DMD: variants seen among roughly 807,000 people sequenced by gnomAD.
The protein encoded by DMD is mutant dystrophin.
A neutral mutation model predicts 330.1 loss-of-function variants in DMD; 63 were observed. The observed-to-expected ratio is 0.19, with a 90% CI of 0.16 to 0.24. The LOEUF is 0.24. Ranked by LOEUF, DMD falls within the 10% of genes least tolerant of loss-of-function variation. The pLI is 1.00. For missense variants in DMD, 3,344 were observed against 2,684.1 expected, an observed-to-expected ratio of 1.25 and a Z score of -5.43; for synonymous variants, 1,223 against 959.8, an observed-to-expected ratio of 1.27 and a Z score of -5.07.
Position 32,805,044 on chromosome X carries a change from G to A in DMD, c.649+4449C>T, listed in dbSNP as rs189759777. ...AAAAGGGTGAAAATTCCAAAACCCA[G>A]AACACCTCTTCTCCTCCAAAGGATC... On this transcript the variant is annotated intron_variant, in intron 7 of 78. Transcript: ENST00000357033. 8.9e-5 allele frequency among the ~76,000 whole-genome samples: 10 copies of A among 111,809 alleles called. No homozygotes were observed. The East Asian group carries it at 1.7e-3, about 19-fold the overall frequency.
chrX:32,534,415 T>A (rs1256157712), intron 17 of DMD, among the ~76,000 whole-genome samples: 1 of 111,112 alleles, frequency 9.0e-6, no homozygotes, highest in Admixed American at 9.6e-5. Context: ...TACAAATGTG[T>A]GCCACCTCCC....
intron 1 of DMD, among the ~76,000 whole-genome samples, chrX:33,248,198 C>T (rs1294288427): frequency 3.6e-5 from 4 of 110,291 alleles, no homozygotes; most frequent in Non-Finnish European, 5.7e-5. Flanking sequence ...CCCGCCACCA[C>T]GCCTGACTAA....
chrX:32,664,506 G>A (rs901251892), intron 9 of DMD, among the ~76,000 whole-genome samples: 1 of 110,582 alleles, frequency 9.0e-6, no homozygotes, highest in East Asian at 2.9e-4. Context: ...CTCTCAAAGT[G>A]CTGGGATTAC....
chrX:32,645,057 T>C lies in DMD; in HGVS notation c.1056A>G (p.Leu352=). The change falls in exon 10 of 79, where the codon TTA becomes TTG. Residue 352 remains leucine, a synonymous_variant. Coordinates refer to ENST00000357033, the MANE Select transcript of DMD (RefSeq NM_004006.3). Reference sequence around the variant, plus strand: ...TGTCCTCAGCAGAAAGAAGCCACGATAATACTTCTTCTAAAGCTGTTTGAT... The same window carrying C: ...TGTCCTCAGCAGAAAGAAGCCACGACAATACTTCTTCTAAAGCTGTTTGAT... The part of the protein sequence containing the change: ...DRYQTALEEV[L]SWLLSAEDTL... 8.3e-7 allele frequency: 1 copy of C among 1,211,640 alleles called. No homozygotes were observed. The highest frequency in any genetic ancestry group is 3.0e-5 in the East Asian group (1 of 33,832).
At chrX:32,523,566 T>C (rs1431352158) in intron 17 of DMD, among the ~76,000 whole-genome samples, 1 of 112,281 alleles carries the variant, frequency 8.9e-6, no homozygotes, top group African/African-American at 3.2e-5. Flanking sequence ...CCCTAGTCTA[T>C]TACTATCAGA....
chrX:31,855,162 T>G (rs974218171), intron 48 of DMD, among the ~76,000 whole-genome samples: 15 of 102,478 alleles, frequency 1.5e-4, no homozygotes, highest in African/African-American at 5.5e-4. Context: ...TGCACTTTTA[T>G]CACGCTATGT....
chrX:31,287,308 C>A (rs2053294149), intron 62 of DMD, among the ~76,000 whole-genome samples: 1 of 111,907 alleles, frequency 8.9e-6, no homozygotes, highest in Admixed American at 9.5e-5. Flanking sequence ...TTTCATTAGA[C>A]CCCAATCTGA....
intron 54 of DMD, among the ~76,000 whole-genome samples, chrX:31,631,971 C>T (rs1403779491): frequency 2.7e-5 from 3 of 111,492 alleles, no homozygotes; most frequent in South Asian, 3.8e-4. Flanking sequence ...CAACCCTATA[C>T]GTGCCAAAGA....
intron 44 of DMD, among the ~76,000 whole-genome samples, chrX:32,189,605 A>G (rs1164166280): frequency 1.0e-5 from 1 of 95,363 alleles, no homozygotes; most frequent in Admixed American, 1.2e-4. Context: ...TCCTTTTACT[A>G]CGCAGCAGGC....
intron 2 of DMD, among the ~76,000 whole-genome samples, chrX:32,858,621 C>A (rs1313998634): frequency 8.9e-6 from 1 of 111,824 alleles, no homozygotes; most frequent in Non-Finnish European, 1.9e-5. Flanking sequence ...AGCCATCACA[C>A]CTGGACTTAT....
At chrX:32,087,784 A>G (rs1235653587) in intron 44 of DMD, among the ~76,000 whole-genome samples, 1 of 112,444 alleles carries the variant, frequency 8.9e-6, no homozygotes, top group African/African-American at 3.2e-5. Context: ...CACGAGCATA[A>G]AGAGTAAGGC....
chrX:32,776,460 T>C (rs893425447), intron 7 of DMD, among the ~76,000 whole-genome samples: 1 of 111,086 alleles, frequency 9.0e-6, no homozygotes, highest in Non-Finnish European at 1.9e-5. Context: ...AGAGGATTAA[T>C]AGACTCACAG....
chrX:32,842,108 T>C (rs1014479249), intron 4 of DMD, among the ~76,000 whole-genome samples: 2 of 112,055 alleles, frequency 1.8e-5, no homozygotes, highest in African/African-American at 6.5e-5. Context: ...TCCCTTGGAG[T>C]AGGCAGATAG....
At chrX:32,685,499 G>A (rs1231764960) in intron 9 of DMD, among the ~76,000 whole-genome samples, 1 of 111,588 alleles carries the variant, frequency 9.0e-6, no homozygotes, top group African/African-American at 3.3e-5. Context: ...AAGATAAAAT[G>A]TACTAAGATT....
chrX:31,421,900 TACACACACACAC>T (rs201760249), intron 60 of DMD, among the ~76,000 whole-genome samples: 1 of 85,184 alleles, frequency 1.2e-5, no homozygotes, highest in African/African-American at 5.0e-5. Context: ...TATATATATA[TACACACACACAC>T]ACATATATAT....
intron 63 of DMD, among the ~76,000 whole-genome samples, chrX:31,233,656 C>T (rs2047433293): frequency 8.9e-6 from 1 of 112,000 alleles, no homozygotes; most frequent in African/African-American, 3.2e-5. Flanking sequence ...TCCTCATCTG[C>T]TTTAACCTCA....
chrX:32,888,609 A>G (rs1416392436), intron 2 of DMD, among the ~76,000 whole-genome samples: 1 of 111,415 alleles, frequency 9.0e-6, no homozygotes, highest in Non-Finnish European at 1.9e-5. Context: ...AAGTTCTTCA[A>G]AAAAAAATAA....
chrX:32,250,161 T>C (rs2097257951), intron 43 of DMD, among the ~76,000 whole-genome samples: 1 of 111,375 alleles, frequency 9.0e-6, no homozygotes, highest in Admixed American at 9.6e-5. Context: ...TTTAGGAGCT[T>C]CACATGTATA....
chrX:32,558,949 T>C (rs992492878), intron 16 of DMD, among the ~76,000 whole-genome samples: 2 of 79,964 alleles, frequency 2.5e-5, no homozygotes, highest in African/African-American at 5.3e-5. Context: ...TTTTTTTTTT[T>C]TTTTTTTTTT....
Sources: gnomAD v4.1 joint callset for allele counts (sites outside exome capture counted in the v4.1 genomes callset) on GRCh38, gnomAD v4.1.1 for gene constraint, MANE v1.5 for transcripts, NCBI Gene and HGNC (gene_info 2026-07-23, HGNC 2026-07-21) for gene names.